SEMA5A: variants seen among roughly 807,000 people sequenced by gnomAD.
The protein encoded by SEMA5A is semaphorin-5A.
In SEMA5A, 55 loss-of-function variants were observed where a neutral mutation model predicts 135.5. The observed-to-expected ratio is 0.41, with a 90% CI of 0.33 to 0.51. SEMA5A has a LOEUF of 0.51. Ranked by LOEUF, SEMA5A falls within the 20% of genes least tolerant of loss-of-function variation. The pLI is 0.37. For synonymous variants in SEMA5A, 580 were observed against 546.5 expected, an observed-to-expected ratio of 1.06 and a Z score of -0.85; for missense variants, 1,290 against 1,419.9, an observed-to-expected ratio of 0.91 and a Z score of 1.47.
chr5:9,080,923 T>C (rs1738344676), intron 16 of SEMA5A, among the ~76,000 whole-genome samples: 1 of 152,180 alleles, frequency 6.6e-6, no homozygotes, highest in African/African-American at 2.4e-5. Flanking sequence ...TAATCTTCTC[T>C]CTTGGAGTGT....
chr5:9,154,062 A>AAAAAAT (rs1159261162), intron 12 of SEMA5A, among the ~76,000 whole-genome samples: 2 of 68,296 alleles, frequency 2.9e-5, no homozygotes, highest in South Asian at 5.2e-4. Context: ...AAAAAAAAAA[A>AAAAAAT]ATATATATAT....
chr5:9,237,718 TCAC>T, intron 6 of SEMA5A, 107 bp downstream of exon 6: 2 of 932,404 alleles, frequency 2.1e-6, no homozygotes, highest in Admixed American at 2.4e-5. Context: ...CTTGCTTTTT[TCAC>T]TTTACATGGC....
intron 16 of SEMA5A, among the ~76,000 whole-genome samples, chr5:9,073,095 A>C (rs1031825806): frequency 6.6e-6 from 1 of 152,212 alleles, no homozygotes; most frequent in African/African-American, 2.4e-5. Context: ...TCATTCTATG[A>C]GGCCAACTTT....
At chr5:9,274,261 A>C (rs1345888565) in intron 5 of SEMA5A, among the ~76,000 whole-genome samples, 2 of 152,196 alleles carry the variant, frequency 1.3e-5, no homozygotes, top group African/African-American at 4.8e-5. Flanking sequence ...ATAATAGTAA[A>C]GGGATCAATG....
chr5:9,069,489 T>C (rs1013902015), intron 16 of SEMA5A, among the ~76,000 whole-genome samples: 1 of 152,240 alleles, frequency 6.6e-6, no homozygotes, highest in African/African-American at 2.4e-5. Flanking sequence ...AAGCAACTTG[T>C]GTGTCCATGC....
intron 1 of SEMA5A, among the ~76,000 whole-genome samples, chr5:9,495,091 G>GTTT (rs1735231721): frequency 6.6e-6 from 1 of 152,320 alleles, no homozygotes; most frequent in South Asian, 2.1e-4. Flanking sequence ...ATTCCAAAGT[G>GTTT]TTTAAATTCT....
chr5:9,230,158 CTTTTTTTTTTT>C (rs5865817), intron 6 of SEMA5A, among the ~76,000 whole-genome samples: 13 of 98,280 alleles, frequency 1.3e-4, no homozygotes, highest in Admixed American at 5.0e-4. Context: ...CTATTTTTTT[CTTTTTTTTTTT>C]TTTTTTTTTT....
intron 4 of SEMA5A, among the ~76,000 whole-genome samples, chr5:9,334,566 G>A (rs990182090): frequency 6.6e-6 from 1 of 152,140 alleles, no homozygotes; most frequent in South Asian, 2.1e-4. Context: ...AACTTCTCAC[G>A]GGTTATTTTA....
intron 2 of SEMA5A, among the ~76,000 whole-genome samples, chr5:9,398,566 T>A (rs1160634393): frequency 6.6e-6 from 1 of 152,192 alleles, no homozygotes; most frequent in African/African-American, 2.4e-5. Context: ...AGAGCCTCAG[T>A]AGAGTAGAAA....
At chr5:9,384,661 T>TACATAGATACATAGATAGATAGATAG (rs1214516553) in intron 2 of SEMA5A, among the ~76,000 whole-genome samples, 2 of 66,480 alleles carry the variant, frequency 3.0e-5, no homozygotes, top group South Asian at 4.3e-4. Context: ...GATAGATAGA[T>TACATAGATACATAGATAGATAGATAG]ATAGATAGAT....
intron 3 of SEMA5A, among the ~76,000 whole-genome samples, chr5:9,371,694 C>T (rs967908328): frequency 1.3e-5 from 2 of 152,138 alleles, no homozygotes; most frequent in Non-Finnish European, 2.9e-5. Flanking sequence ...TCACATAAAA[C>T]ATCCAGTCAT....
intron 5 of SEMA5A, among the ~76,000 whole-genome samples, chr5:9,259,142 C>G (rs7735941): frequency 1.3e-5 from 2 of 152,092 alleles, no homozygotes; most frequent in Admixed American, 6.6e-5. Context: ...TTACAAAAAG[C>G]CTTTTTAATC....
chr5:9,169,927 C>CA, intron 11 of SEMA5A, among the ~76,000 whole-genome samples: 1 of 152,348 alleles, frequency 6.6e-6, no homozygotes, highest in African/African-American at 2.4e-5. Context: ...GCTCTTGCTA[C>CA]AAAAATATCA....
At chr5:9,065,279 C>T (rs1171488121) in intron 17 of SEMA5A, among the ~76,000 whole-genome samples, 1 of 152,288 alleles carries the variant, frequency 6.6e-6, no homozygotes, top group African/African-American at 2.4e-5. Context: ...GGCTGTTCAC[C>T]AGCTCCCAGG....
intron 2 of SEMA5A, among the ~76,000 whole-genome samples, chr5:9,436,796 A>C (rs987560343): frequency 1.3e-5 from 2 of 152,178 alleles, no homozygotes; most frequent in Non-Finnish European, 2.9e-5. Flanking sequence ...CTAGTCCTCT[A>C]TCCCCCTTCA....
intron 2 of SEMA5A, among the ~76,000 whole-genome samples, chr5:9,408,558 T>C (rs961541036): frequency 2.6e-5 from 4 of 152,222 alleles, no homozygotes; most frequent in Non-Finnish European, 5.9e-5. Context: ...TTGGCATCTA[T>C]TGATTTAACT....
intron 5 of SEMA5A, among the ~76,000 whole-genome samples, chr5:9,314,071 GTCC>G (rs1275493491): frequency 2.0e-5 from 3 of 152,032 alleles, no homozygotes; most frequent in African/African-American, 7.2e-5. Context: ...GAAATTGGTT[GTCC>G]TCCTTGATCT....
intron 16 of SEMA5A, among the ~76,000 whole-genome samples, chr5:9,069,539 G>T (rs1737660535): frequency 6.6e-6 from 1 of 151,990 alleles, no homozygotes. Context: ...TCTTTATTTT[G>T]TACTGTTTTA....
intron 9 of SEMA5A, among the ~76,000 whole-genome samples, chr5:9,197,623 T>C (rs1053413650): frequency 6.6e-6 from 1 of 152,082 alleles, no homozygotes; most frequent in Non-Finnish European, 1.5e-5. Flanking sequence ...AATTCTGGAA[T>C]AAAAAGACTT....
Sources: gnomAD v4.1 joint callset for allele counts (sites outside exome capture counted in the v4.1 genomes callset) on GRCh38, gnomAD v4.1.1 for gene constraint, MANE v1.5 for transcripts, NCBI Gene and HGNC (gene_info 2026-07-23, HGNC 2026-07-21) for gene names.